DLGAP2: variants seen among roughly 807,000 people sequenced by gnomAD.
DLGAP2 encodes the protein DLG associated protein 2, also known as disks large-associated protein 2.
In DLGAP2, 26 loss-of-function variants were observed where a neutral mutation model predicts 100.3. That is an observed-to-expected ratio of 0.26 (90% CI 0.19 to 0.36). DLGAP2 has a LOEUF of 0.36. DLGAP2 is among the 10% of genes least tolerant of loss of function. The probability of loss-of-function intolerance (pLI) is 1.00; values close to 1 mark genes in which losing one functional copy is unlikely to be tolerated. For synonymous variants in DLGAP2, 886 were observed against 630.1 expected, an observed-to-expected ratio of 1.41 and a Z score of -6.08; for missense variants, 1,858 against 1,453.2, an observed-to-expected ratio of 1.28 and a Z score of -4.53.
intron 3 of DLGAP2, among the ~76,000 whole-genome samples, chr8:1,486,016 G>C (rs994731632): frequency 5.9e-5 from 9 of 152,122 alleles, no homozygotes; most frequent in South Asian, 2.1e-4. Context: ...GACAGAAAGA[G>C]ACTCCATCTC....
chr8:989,471 T>C (rs1445573377), intron 2 of DLGAP2, among the ~76,000 whole-genome samples: 1 of 152,202 alleles, frequency 6.6e-6, no homozygotes, highest in Non-Finnish European at 1.5e-5. Flanking sequence ...CTCTGTCCTC[T>C]ACATCTGGGG....
At chr8:1,625,519 C>G (rs1797468686) in intron 6 of DLGAP2, among the ~76,000 whole-genome samples, 1 of 152,232 alleles carries the variant, frequency 6.6e-6, no homozygotes. Context: ...TTCATTTAGC[C>G]TACTCCTCCT....
chr8:1,276,147 T>G (rs1452499993), intron 3 of DLGAP2, among the ~76,000 whole-genome samples: 1 of 147,342 alleles, frequency 6.8e-6, no homozygotes, highest in Non-Finnish European at 1.5e-5. Context: ...CTCACTGTCA[T>G]CCTGCCACGG....
chr8:754,934 A>G (rs773418045), intron 1 of DLGAP2, among the ~76,000 whole-genome samples: 4 of 152,214 alleles, frequency 2.6e-5, no homozygotes, highest in Non-Finnish European at 5.9e-5. Flanking sequence ...CATCCTAGCA[A>G]TTTGTGATAA....
intron 2 of DLGAP2, among the ~76,000 whole-genome samples, chr8:958,353 C>T (rs934024864): frequency 6.6e-6 from 1 of 152,124 alleles, no homozygotes; most frequent in African/African-American, 2.4e-5. Context: ...CAACAGTGGA[C>T]ACTGGGGCAT....
rs371422074 is a variant in DLGAP2, at chr8:1,571,639, G to A, written c.1442+5745G>A. On this transcript the variant is annotated intron_variant, in intron 6 of 14. Transcript: ENST00000637795. ...AGAGGAGAGAGGGGGTGAACTATGG[G>A]GGCATCTGATGAGATGGAGAGAGAG... is the stretch of plus-strand genomic sequence containing the variant. Among the ~76,000 whole-genome samples the A allele has an allele frequency of 3.2e-4, 46 of 141,994 alleles. 1 individual carries two copies. In the South Asian group the frequency reaches 0.011, roughly 34 times the overall value. The allele number at this position is 141,994 out of a possible 152,430, so 93.2% of individuals were successfully genotyped here.
At chr8:1,244,405 G>A (rs1472978844) in intron 2 of DLGAP2, among the ~76,000 whole-genome samples, 1 of 152,220 alleles carries the variant, frequency 6.6e-6, no homozygotes, top group African/African-American at 2.4e-5. Flanking sequence ...TCCTGAGGAG[G>A]AAAGGCAAAA....
intron 2 of DLGAP2, among the ~76,000 whole-genome samples, chr8:913,531 G>C (rs562069808): frequency 2.0e-5 from 3 of 152,308 alleles, no homozygotes; most frequent in Admixed American, 6.5e-5. Flanking sequence ...GATTCCTAAA[G>C]CTATGTAGAC....
chr8:801,739 C>T (rs923448484), intron 1 of DLGAP2, among the ~76,000 whole-genome samples: 2 of 152,156 alleles, frequency 1.3e-5, no homozygotes, highest in Non-Finnish European at 2.9e-5. Context: ...ACTTTCAGCT[C>T]ATTTTGATGA....
chr8:1,641,192 C>T (rs568458267), intron 8 of DLGAP2, among the ~76,000 whole-genome samples: 31 of 152,288 alleles, frequency 2.0e-4, no homozygotes, highest in South Asian at 4.1e-4. Flanking sequence ...ACATGACAGA[C>T]GAATCACGTG....
At chr8:878,550 T>C (rs1370495129) in intron 1 of DLGAP2, among the ~76,000 whole-genome samples, 1 of 152,160 alleles carries the variant, frequency 6.6e-6, no homozygotes, top group African/African-American at 2.4e-5. Flanking sequence ...CTCAATCTTG[T>C]TGTTCCAGTG....
rs1408481997 is a variant in DLGAP2, at chr8:1,612,515, G to A, written c.1443-14225G>A. Among the ~76,000 whole-genome samples, 328 of 143,814 alleles carry A rather than the reference G, an allele frequency of 2.3e-3. 1 individual carries two copies. The highest frequency in any genetic ancestry group is 8.2e-3 in the African/African-American group (312 of 38,218). 94.3% of individuals were successfully genotyped at this position (143,814 alleles called of 152,430 possible). ...TCATGTCCAGAACACCAAAAGCAAT[G>A]GCAACCAAAGCCAAAATTGACAAAT... On this transcript the variant is annotated intron_variant, in intron 6 of 14. Coordinates refer to ENST00000637795, the MANE Select transcript of DLGAP2 (RefSeq NM_001346810.2).
At chr8:1,601,408 G>C (rs978473730) in intron 6 of DLGAP2, among the ~76,000 whole-genome samples, 7 of 152,334 alleles carry the variant, frequency 4.6e-5, no homozygotes, top group African/African-American at 1.7e-4. Flanking sequence ...GCTGTGCTGG[G>C]AGAGCTGCTG....
intron 2 of DLGAP2, among the ~76,000 whole-genome samples, chr8:1,117,756 C>T (rs1795928913): frequency 6.6e-6 from 1 of 152,178 alleles, no homozygotes; most frequent in Non-Finnish European, 1.5e-5. Context: ...CCCCAGGGGG[C>T]TCCCCCAGGA....
chr8:1,677,853 G>C (rs1049793645), intron 11 of DLGAP2, among the ~76,000 whole-genome samples: 1 of 152,184 alleles, frequency 6.6e-6, no homozygotes, highest in African/African-American at 2.4e-5. Flanking sequence ...TTACATAAAA[G>C]AAGCAACCCA....
chr8:1,318,381 C>T (rs1053469602), intron 3 of DLGAP2, among the ~76,000 whole-genome samples: 6 of 151,586 alleles, frequency 4.0e-5, no homozygotes, highest in Non-Finnish European at 8.8e-5. Context: ...TTGTATTTCT[C>T]CCACAGGGCT....
At chr8:1,254,967 CA>C (rs556178587) in intron 2 of DLGAP2, among the ~76,000 whole-genome samples, 2,105 of 76,884 alleles carry the variant, frequency 0.027, 160 homozygotes, top group African/African-American at 0.16. Context: ...TGTGTCCTCT[CA>C]TCCTGTCCGG....
chr8:995,509 T>G (rs756912600), intron 2 of DLGAP2, among the ~76,000 whole-genome samples: 2 of 152,252 alleles, frequency 1.3e-5, no homozygotes, highest in Non-Finnish European at 2.9e-5. Flanking sequence ...TGGATTTTAG[T>G]ATTTCCATTA....
chr8:772,605 G>T (rs1273254156), intron 1 of DLGAP2, among the ~76,000 whole-genome samples: 4 of 152,246 alleles, frequency 2.6e-5, no homozygotes, highest in East Asian at 3.9e-4. Context: ...CTACAGGCAT[G>T]AGCCACTGCA....
Sources: allele counts gnomAD v4.1 joint callset (sites outside exome capture counted in the v4.1 genomes callset), GRCh38; gene constraint gnomAD v4.1.1; transcripts MANE v1.5; gene names NCBI Gene and HGNC (gene_info 2026-07-23, HGNC 2026-07-21).